Variants in H3-7 observed in about 807,000 individuals in gnomAD.
The protein encoded by H3-7 is H3.7 histone (putative), also known as histone H3-7.
At chr1:143,904,760 T>A in the H3-7 span, 1 of 697,080 alleles carries the variant, frequency 1.4e-6, no homozygotes, top group Non-Finnish European at 2.4e-6. Flanking sequence ...TCAGAGGGGG[T>A]GGAGTCTATG....
the H3-7 span, among the ~76,000 whole-genome samples, chr1:143,903,117 G>A: frequency 5.0e-5 from 7 of 140,780 alleles, no homozygotes; most frequent in Non-Finnish European, 7.9e-5. Flanking sequence ...GCGTGAACCC[G>A]GGAGGCGGAG....
the H3-7 span, chr1:143,905,699 C>A: frequency 5.7e-6 from 9 of 1,582,698 alleles, 1 homozygote; most frequent in East Asian, 1.6e-4. Context: ...AGCGCCATCA[C>A]GGCCGAGCTC....
chr1:143,904,631 T>C, the H3-7 span: 2,502 of 1,579,348 alleles, frequency 1.6e-3, 155 homozygotes, highest in African/African-American at 0.03. Flanking sequence ...GAACAGAGAC[T>C]TAAAGAAGTA....
At chr1:143,903,428 A>G in the H3-7 span, among the ~76,000 whole-genome samples, 1 of 42,670 alleles carries the variant, frequency 2.3e-5, no homozygotes, top group Non-Finnish European at 4.5e-5. Context: ...GGGTCTCTCA[A>G]TCACCAAAGA....
chr1:143,904,868 C>T, the H3-7 span, among the ~76,000 whole-genome samples: 5 of 144,648 alleles, frequency 3.5e-5, no homozygotes, highest in Non-Finnish European at 7.7e-5. Flanking sequence ...CAGTTTTAAG[C>T]TAGGTGAAGC....
At chr1:143,904,616 A>G in the H3-7 span, 1 of 1,583,186 alleles carries the variant, frequency 6.3e-7, no homozygotes, top group Non-Finnish European at 8.6e-7. Flanking sequence ...TTGCGCGAAA[A>G]AAGAGAACAG....
At chr1:143,905,512 T>C in the H3-7 span, 3 of 1,369,230 alleles carry the variant, frequency 2.2e-6, no homozygotes, top group Non-Finnish European at 3.1e-6. Context: ...AAAACGGCAG[T>C]GGCTCTGAAA....
the H3-7 span, among the ~76,000 whole-genome samples, chr1:143,903,897 G>A: frequency 6.9e-6 from 1 of 144,410 alleles, no homozygotes; most frequent in Non-Finnish European, 1.5e-5. Context: ...AAAGGCTGAA[G>A]GGGTGTAGAA....
At chr1:143,905,692 G>C in the H3-7 span, 1 of 1,582,800 alleles carries the variant, frequency 6.3e-7, no homozygotes, top group Non-Finnish European at 8.7e-7. Context: ...CTCCTGCAGC[G>C]CCATCACGGC....
At chr1:143,905,834 C>G in the H3-7 span, 2 of 1,582,162 alleles carry the variant, frequency 1.3e-6, no homozygotes. Context: ...GCCACGGTGC[C>G]GGGCCGGTAG....
the H3-7 span, chr1:143,905,748 G>T: frequency 6.3e-7 from 1 of 1,581,910 alleles, no homozygotes. Flanking sequence ...GCGCGATCTC[G>T]CGTACCAGCC....
the H3-7 span, among the ~76,000 whole-genome samples, chr1:143,902,581 C>T: frequency 7.0e-6 from 1 of 142,476 alleles, no homozygotes; most frequent in Admixed American, 7.1e-5. Flanking sequence ...GCAAAAGAAA[C>T]ATCCACTGGC....
the H3-7 span, chr1:143,904,516 G>C: frequency 6.2e-7 from 1 of 1,605,594 alleles, no homozygotes; most frequent in African/African-American, 1.3e-5. Context: ...CTGCGCTTGC[G>C]CTTCTCGCCG....
chr1:143,903,164 C>G, the H3-7 span, among the ~76,000 whole-genome samples: 3 of 141,470 alleles, frequency 2.1e-5, no homozygotes, highest in South Asian at 7.1e-4. Flanking sequence ...TGCACTCCGG[C>G]CTGGGCGACA....
the H3-7 span, among the ~76,000 whole-genome samples, chr1:143,903,706 G>A: frequency 3.0e-5 from 2 of 66,290 alleles, no homozygotes; most frequent in Non-Finnish European, 6.1e-5. Flanking sequence ...AGGGACGAAA[G>A]CACATGGCTA....
chr1:143,905,972 C>T, the H3-7 span: 5 of 1,578,748 alleles, frequency 3.2e-6, 1 homozygote, highest in Non-Finnish European at 4.3e-6. Context: ...GCCATGCTGT[C>T]TCATTGATAC....
At chr1:143,905,910 C>G in the H3-7 span, 29 of 1,580,228 alleles carry the variant, frequency 1.8e-5, 4 homozygotes, top group Middle Eastern at 5.3e-4. Flanking sequence ...TAGCCAGCTG[C>G]TTCCTCGGGG....
chr1:143,904,331 C>A, the H3-7 span: 1 of 1,581,572 alleles, frequency 6.3e-7, no homozygotes, highest in Non-Finnish European at 8.7e-7. Context: ...TCTCGCGGGA[C>A]GTGATGGTGG....
At chr1:143,904,454 G>T in the H3-7 span, 1 of 1,592,320 alleles carries the variant, frequency 6.3e-7, no homozygotes, top group Non-Finnish European at 8.6e-7. Context: ...CGGTGTCGGG[G>T]TGGACCTGCT....
Sources: gnomAD v4.1 joint callset for allele counts (sites outside exome capture counted in the v4.1 genomes callset) on GRCh38, gnomAD v4.1.1 for gene constraint, MANE v1.5 for transcripts, NCBI Gene and HGNC (gene_info 2026-07-23, HGNC 2026-07-21) for gene names.